Variants in KCNC2 observed in about 807,000 individuals in gnomAD.
The protein encoded by KCNC2 is voltage-gated potassium channel KCNC2.
In KCNC2, 21 loss-of-function variants were observed where a neutral mutation model predicts 44.5. The observed-to-expected ratio is 0.47, with a 90% CI of 0.33 to 0.68. The LOEUF is 0.68. Among genes scored for constraint, KCNC2 ranks in the 30% least tolerant of loss-of-function variants. The pLI is 0.01. For missense variants in KCNC2, 589 were observed against 826.2 expected (o/e 0.71, Z 3.52); for synonymous variants, 391 against 339.1 (o/e 1.15, Z -1.68).
intron 2 of KCNC2, among the ~76,000 whole-genome samples, chr12:75,092,561 A>G (rs560206091): frequency 4.0e-5 from 6 of 151,770 alleles, no homozygotes; most frequent in Admixed American, 3.9e-4. Flanking sequence ...ACTGATGACA[A>G]CTTATATAAA....
At chr12:75,159,984 T>C (rs1365978689) in intron 2 of KCNC2, among the ~76,000 whole-genome samples, 1 of 151,746 alleles carries the variant, frequency 6.6e-6, no homozygotes, top group East Asian at 1.9e-4. Context: ...AACTGAAAAA[T>C]ATATAAATGA....
intron 2 of KCNC2, among the ~76,000 whole-genome samples, chr12:75,192,293 G>A (rs899529123): frequency 9.9e-5 from 15 of 152,158 alleles, no homozygotes; most frequent in Admixed American, 7.2e-4. Flanking sequence ...TGAAGGCCTC[G>A]TTTCCCTGTA....
chr12:75,188,109 C>T (rs2029873086), intron 2 of KCNC2, among the ~76,000 whole-genome samples: 1 of 152,136 alleles, frequency 6.6e-6, no homozygotes, highest in African/African-American at 2.4e-5. Flanking sequence ...AGCCCTAGGA[C>T]CACAGAAATC....
At chr12:75,155,083 A>C (rs1890665409) in intron 2 of KCNC2, among the ~76,000 whole-genome samples, 1 of 151,538 alleles carries the variant, frequency 6.6e-6, no homozygotes, top group African/African-American at 2.4e-5. Context: ...GGAAAATAAA[A>C]AATTATAGAT....
intron 2 of KCNC2, among the ~76,000 whole-genome samples, chr12:75,073,965 C>G (rs897072214): frequency 6.6e-6 from 1 of 152,150 alleles, no homozygotes; most frequent in African/African-American, 2.4e-5. Context: ...CGTACAGTAG[C>G]ACTTGATCAT....
At chr12:75,083,850 T>C (rs1014859192) in intron 2 of KCNC2, among the ~76,000 whole-genome samples, 2 of 151,962 alleles carry the variant, frequency 1.3e-5, no homozygotes, top group African/African-American at 4.8e-5. Context: ...AGAAATGTAC[T>C]ATACAATAAT....
intron 2 of KCNC2, among the ~76,000 whole-genome samples, chr12:75,100,427 C>T (rs1886282516): frequency 6.6e-6 from 1 of 151,910 alleles, no homozygotes; most frequent in Non-Finnish European, 1.5e-5. Flanking sequence ...ATTTTAAAGG[C>T]TCTTTAAATG....
At chr12:75,125,091 C>T (rs1888319267) in intron 2 of KCNC2, among the ~76,000 whole-genome samples, 1 of 151,986 alleles carries the variant, frequency 6.6e-6, no homozygotes, top group South Asian at 2.1e-4. Flanking sequence ...GGGCTACACA[C>T]TGAGACTCCG....
intron 2 of KCNC2, among the ~76,000 whole-genome samples, chr12:75,149,241 T>C (rs960425610): frequency 6.6e-6 from 1 of 151,702 alleles, no homozygotes. Flanking sequence ...ATTTATTTTG[T>C]AGTTTTCCCA....
chr12:75,185,089 T>G (rs889513498), intron 2 of KCNC2, among the ~76,000 whole-genome samples: 1 of 152,214 alleles, frequency 6.6e-6, no homozygotes, highest in Non-Finnish European at 1.5e-5. Context: ...ATTTCAGATA[T>G]GTTGTATTTT....
chr12:75,099,712 C>T (rs1005036767), intron 2 of KCNC2, among the ~76,000 whole-genome samples: 2 of 152,096 alleles, frequency 1.3e-5, no homozygotes, highest in Non-Finnish European at 2.9e-5. Flanking sequence ...TCATTTTAAC[C>T]TCAAGTCTCT....
intron 2 of KCNC2, among the ~76,000 whole-genome samples, chr12:75,078,286 G>A (rs997614279): frequency 6.6e-5 from 10 of 152,200 alleles, no homozygotes; most frequent in South Asian, 2.1e-4. Context: ...CCGGTGGGAC[G>A]GCACTGTGTT....
At position 75,179,750 on chromosome 12, in the gene KCNC2, T is replaced by A. The variant is rs376795721; in HGVS notation, c.687+27547A>T. ...TAAAAGATATAAAACTAGTTTTATA[T>A]CTTTTATAAAAACTATAAAAGATAT... On this transcript the variant is annotated intron_variant, in intron 2 of 4. Coordinates refer to ENST00000549446, the MANE Select transcript of KCNC2 (RefSeq NM_139137.4). Among the ~76,000 whole-genome samples, 9 of 151,440 alleles carry A rather than the reference T, an allele frequency of 5.9e-5. No individual in the cohort carries two copies. In the East Asian group the frequency reaches 1.6e-3, roughly 26 times the overall value.
chr12:75,102,771 G>A lies in KCNC2; in HGVS notation c.688-51454C>T, dbSNP rs563309317. ...TTCCTACAAACATAGTGAGCTTTGA[G>A]TGGGCTTTAGAGAGTGCCACTGCCC... On this transcript the variant is annotated intron_variant, in intron 2 of 4. Coordinates refer to ENST00000549446, the MANE Select transcript of KCNC2 (RefSeq NM_139137.4). Among the ~76,000 whole-genome samples, 3 of 152,136 alleles carry A rather than the reference G, an allele frequency of 2.0e-5. No homozygotes were observed. In the East Asian group the frequency reaches 5.8e-4, roughly 29 times the overall value.
intron 2 of KCNC2, among the ~76,000 whole-genome samples, chr12:75,065,472 G>A (rs952813464): frequency 2.6e-5 from 4 of 152,032 alleles, no homozygotes; most frequent in Non-Finnish European, 2.9e-5. Flanking sequence ...AGTCTGTGCT[G>A]GATAATGATA....
intron 4 of KCNC2, among the ~76,000 whole-genome samples, chr12:75,045,743 A>C (rs1880424579): frequency 6.6e-6 from 1 of 151,966 alleles, no homozygotes; most frequent in African/African-American, 2.4e-5. Context: ...CTTTCTTAAA[A>C]CAACAAACAT....
rs61089425 is a variant in KCNC2, at chr12:75,181,916, C to CTTTT, written c.687+25377_687+25380dup. ...AAACATTATTACTATTAATATCTTCCTTTTTTTTTTTTTTTTTTTTTTTTT... is the reference window on the plus strand; with the variant it reads ...AAACATTATTACTATTAATATCTTCCTTTTTTTTTTTTTTTTTTTTTTTTTTTTT... On this transcript the variant is annotated intron_variant, in intron 2 of 4. Transcript: ENST00000549446. Among the ~76,000 whole-genome samples, 87 of 47,872 alleles carry CTTTT rather than the reference C, an allele frequency of 1.8e-3. 27 individuals carry two copies. The highest frequency in any genetic ancestry group is 4.9e-3 in the East Asian group (5 of 1,014). The allele number at this position is 47,872 out of a possible 152,430, so 31.4% of individuals were successfully genotyped here.
intron 2 of KCNC2, among the ~76,000 whole-genome samples, chr12:75,093,669 C>A (rs568650204): frequency 6.6e-6 from 1 of 151,714 alleles, no homozygotes; most frequent in African/African-American, 2.4e-5. Flanking sequence ...ATATGCTGAT[C>A]TTAACATAAT....
At chr12:75,047,877 TA>T (rs2136931088) in intron 4 of KCNC2, among the ~76,000 whole-genome samples, 1 of 152,220 alleles carries the variant, frequency 6.6e-6, no homozygotes, top group Non-Finnish European at 1.5e-5. Context: ...ATAAGTGATT[TA>T]ATATTTACAT....
Sources: allele counts gnomAD v4.1 joint callset (sites outside exome capture counted in the v4.1 genomes callset), GRCh38; gene constraint gnomAD v4.1.1; transcripts MANE v1.5; gene names NCBI Gene and HGNC (gene_info 2026-07-23, HGNC 2026-07-21).